The following SPATA1 variants were observed in gnomAD, a reference collection of about 807,000 sequenced individuals.
The protein encoded by SPATA1 is spermatogenesis associated 1.
A neutral mutation model predicts 59.6 loss-of-function variants in SPATA1; 57 were observed. That is an observed-to-expected ratio of 0.96 (90% CI 0.77 to 1.19). SPATA1 has a LOEUF of 1.19. SPATA1 is among the 50% of genes most tolerant of loss of function. The pLI, the probability that SPATA1 is intolerant of heterozygous loss-of-function variation, is 0.00. For missense variants in SPATA1, 448 were observed against 480.7 expected, an observed-to-expected ratio of 0.93 and a Z score of 0.64; for synonymous variants, 147 against 163.9, an observed-to-expected ratio of 0.90 and a Z score of 0.79.
At chr1:84,566,185 T>G (rs1250370000) in exon 5 of SPATA1, 4 of 317,032 alleles carry the variant, frequency 1.3e-5, no homozygotes, top group African/African-American at 4.3e-5. Flanking sequence ...TAAGAAATAT[T>G]TTTTGCTTAC....
chr1:84,510,342 C>CA (rs1452207680), intron 1 of SPATA1, among the ~76,000 whole-genome samples: 1 of 151,958 alleles, frequency 6.6e-6, no homozygotes, highest in Non-Finnish European at 1.5e-5. Flanking sequence ...TAAAAATGGG[C>CA]AAAAAAGCTG....
downstream of SPATA1, among the ~76,000 whole-genome samples, chr1:84,567,236 A>C (rs1337398119): frequency 6.6e-6 from 1 of 152,252 alleles, no homozygotes; most frequent in African/African-American, 2.4e-5. Flanking sequence ...AGCTTTGCTC[A>C]GTAGTTTTCC....
intron 12 of SPATA1, chr1:84,552,221 C>A (rs774783973): frequency 2.0e-5 from 3 of 152,066 alleles, no homozygotes; most frequent in Admixed American, 6.6e-5. Flanking sequence ...CTCTTGCAAC[C>A]ATATTTATTC....
intron 4 of SPATA1, among the ~76,000 whole-genome samples, chr1:84,525,464 C>A (rs1683177339): frequency 1.3e-5 from 2 of 152,068 alleles, no homozygotes; most frequent in African/African-American, 4.8e-5. Context: ...ATAGTAAGTC[C>A]ATTTAAGTGA....
intron 4 of SPATA1, among the ~76,000 whole-genome samples, chr1:84,523,575 G>C (rs1252224784): frequency 6.6e-6 from 1 of 152,080 alleles, no homozygotes; most frequent in Non-Finnish European, 1.5e-5. Context: ...TTGCACTAGA[G>C]GTGTTTAAAT....
At chr1:84,554,819 T>A (rs1684381142), downstream of SPATA1, 6 of 538,158 alleles carry the variant, frequency 1.1e-5, no homozygotes, top group Admixed American at 2.2e-4. Context: ...TGCCTTTATG[T>A]TCCTGGATAC....
intron 2 of SPATA1, among the ~76,000 whole-genome samples, chr1:84,519,403 A>G (rs1445986196): frequency 1.3e-5 from 2 of 151,898 alleles, no homozygotes; most frequent in African/African-American, 4.8e-5. Flanking sequence ...ATTTTTCAGT[A>G]TTTTTTCAAC....
At chr1:84,560,083 CAAA>C (rs751117358) in intron 4 of SPATA1, among the ~76,000 whole-genome samples, 8 of 61,350 alleles carry the variant, frequency 1.3e-4, no homozygotes, top group Non-Finnish European at 1.9e-4. Flanking sequence ...GACTCTGTCT[CAAA>C]AAAAAAAAAA....
intron 1 of SPATA1, among the ~76,000 whole-genome samples, chr1:84,507,575 T>C (rs1026966796): frequency 1.9e-4 from 29 of 152,380 alleles, no homozygotes; most frequent in African/African-American, 6.3e-4. Flanking sequence ...TCAATAAATA[T>C]TGTCTTTTCC....
chr1:84,548,300 A>G lies in SPATA1; in HGVS notation c.947-486A>G, dbSNP rs556782057. On this transcript the variant is annotated intron_variant, in intron 10 of 12. Transcript: ENST00000490879. ...TGTATTTAGAATCTCATTGGTATCA[A>G]TGCAATTTGTTAAACTGGTAGTGTT... 2.6e-5 allele frequency among the ~76,000 whole-genome samples: 4 copies of G among 151,846 alleles called. No homozygotes were observed. In the East Asian group the frequency reaches 5.8e-4, roughly 22 times the overall value.
At chr1:84,560,573 C>T (rs72950341) in intron 4 of SPATA1, among the ~76,000 whole-genome samples, 13,661 of 152,202 alleles carry the variant, frequency 0.09, 1,204 homozygotes, top group African/African-American at 0.23. Flanking sequence ...AAGGCAGAGA[C>T]CCCTTTCTTC....
Position 84,548,996 on chromosome 1 carries a change from G to A in SPATA1, c.1125+32G>A, listed in dbSNP as rs2911574. The A allele has an allele frequency of 3.1e-3, 4,652 of 1,509,714 alleles. 138 individuals are homozygous for A. The African/African-American group carries it at 0.055, about 18-fold the overall frequency. 93.5% of individuals were successfully genotyped at this position (1,509,714 alleles called of 1,614,324 possible). On this transcript the variant is annotated intron_variant, in intron 11 of 12. Transcript: ENST00000490879. ...CTAAATGTATCCCCCTTCCGTTAGA[G>A]AAGTTCTGTTCAAAACACATGCTTT...
At chr1:84,565,713 A>G (rs867044779) in intron 4 of SPATA1, 148 bp from the exon 14 acceptor site, 7 of 430,076 alleles carry the variant, frequency 1.6e-5, no homozygotes, top group Middle Eastern at 8.0e-4. Flanking sequence ...TGATTTTTAC[A>G]TGTTTGAAGC....
intron 1 of SPATA1, among the ~76,000 whole-genome samples, chr1:84,508,979 T>C (rs1261137681): frequency 2.0e-5 from 3 of 152,150 alleles, no homozygotes; most frequent in Non-Finnish European, 2.9e-5. Context: ...ATAGTTAAAA[T>C]GTCTCTAATA....
chr1:84,526,243 GGAAAA>G (rs1343688651), intron 6 of SPATA1, 170 bp downstream of exon 6: 1 of 524,812 alleles, frequency 1.9e-6, no homozygotes, highest in African/African-American at 1.9e-5. Context: ...CCAGATGGGA[GGAAAA>G]GAAAACAATT....
rs116995946 is a variant in SPATA1, at chr1:84,522,929, G to A, written c.261+422G>A. Among the ~76,000 whole-genome samples, 69 of 144,776 alleles carry A rather than the reference G, an allele frequency of 4.8e-4. 3 individuals are homozygous for A. In the East Asian group the frequency reaches 0.011, roughly 24 times the overall value. 95.0% of individuals were successfully genotyped at this position (144,776 alleles called of 152,430 possible). On this transcript the variant is annotated intron_variant, in intron 4 of 12. Coordinates refer to ENST00000490879, the Ensembl canonical transcript of SPATA1. ...GTGTCAACTTTTTTTTTTTTTTTCC[G>A]AGACGGAGTCTTGCTCTGTCACCCT...
chr1:84,508,098 G>A (rs1682357168), intron 1 of SPATA1, among the ~76,000 whole-genome samples: 1 of 152,038 alleles, frequency 6.6e-6, no homozygotes, highest in Non-Finnish European at 1.5e-5. Context: ...TGGCCAACGT[G>A]GGGAAACCGT....
chr1:84,535,233 A>G (rs571953587), intron 8 of SPATA1, among the ~76,000 whole-genome samples: 1 of 152,170 alleles, frequency 6.6e-6, no homozygotes, highest in East Asian at 1.9e-4. Context: ...CATTATCTTC[A>G]TTACTGAGGC....
intron 6 of SPATA1, among the ~76,000 whole-genome samples, chr1:84,532,632 A>C (rs567906133): frequency 6.6e-6 from 1 of 152,308 alleles, no homozygotes; most frequent in African/African-American, 2.4e-5. Flanking sequence ...GATGTTGCTT[A>C]ATTCAACATT....
Sources: allele counts gnomAD v4.1 joint callset (sites outside exome capture counted in the v4.1 genomes callset), GRCh38; gene constraint gnomAD v4.1.1; transcripts MANE v1.5; gene names NCBI Gene and HGNC (gene_info 2026-07-23, HGNC 2026-07-21).